The following SLC9A8 variants were observed in gnomAD, a reference collection of about 807,000 sequenced individuals.
SLC9A8 encodes the protein sodium/hydrogen exchanger 8.
A neutral mutation model predicts 66.6 loss-of-function variants in SLC9A8; 48 were observed. The ratio of observed to expected loss-of-function variants is 0.72; its 90% CI spans 0.57 to 0.92. The LOEUF (loss-of-function observed/expected upper bound fraction) is 0.92, where lower values mean the gene tolerates loss of function less well. Among genes scored for constraint, SLC9A8 ranks in the 40% least tolerant of loss-of-function variants. SLC9A8 has a pLI of 0.00. For synonymous variants in SLC9A8, 274 were observed against 282.6 expected (o/e 0.97, Z 0.31); for missense variants, 599 against 747.3 (o/e 0.80, Z 2.31).
chr20:49,852,365 T>C (rs745490688), intron 7 of SLC9A8, among the ~76,000 whole-genome samples: 3 of 152,216 alleles, frequency 2.0e-5, no homozygotes, highest in Non-Finnish European at 2.9e-5. Flanking sequence ...TTTTCAATGT[T>C]GACAACTTGC....
At chr20:49,825,631 A>T (rs1400168178) in intron 3 of SLC9A8, among the ~76,000 whole-genome samples, 5 of 152,186 alleles carry the variant, frequency 3.3e-5, no homozygotes, top group Non-Finnish European at 7.4e-5. Context: ...TGACAGAGCA[A>T]GACTCTGTCT....
At chr20:49,833,303 G>A (rs1455664948) in intron 3 of SLC9A8, among the ~76,000 whole-genome samples, 3 of 152,060 alleles carry the variant, frequency 2.0e-5, no homozygotes, top group African/African-American at 7.2e-5. Context: ...GCAAATCTAG[G>A]TAATTAAAGT....
intron 3 of SLC9A8, among the ~76,000 whole-genome samples, chr20:49,832,524 A>G (rs896152867): frequency 6.6e-6 from 1 of 152,206 alleles, no homozygotes; most frequent in African/African-American, 2.4e-5. Flanking sequence ...CCAAAATCAT[A>G]ATTTGCAGAA....
At chr20:49,887,206 A>G (rs992951278) in intron 15 of SLC9A8, among the ~76,000 whole-genome samples, 13 of 152,294 alleles carry the variant, frequency 8.5e-5, no homozygotes, top group African/African-American at 3.1e-4. Context: ...CAGACATACC[A>G]GGGCCTCAAG....
Position 49,888,861 on chromosome 20 carries a change from G to C in SLC9A8, c.*925G>C, listed in dbSNP as rs2089979968. On this transcript the variant is annotated 3_prime_UTR_variant, in exon 16 of 16. Transcript: ENST00000361573. ...ACTGTGCTGAGGCCCTGCAGTGTCTGCTCACTGCTGCCATCTTCGCTGCTA... is the reference window on the plus strand; with the variant it reads ...ACTGTGCTGAGGCCCTGCAGTGTCTCCTCACTGCTGCCATCTTCGCTGCTA... 1 of 152,370 alleles carries C rather than the reference G, an allele frequency of 6.6e-6. No homozygotes were observed. Among genetic ancestry groups the C allele is most frequent in the African/African-American group, 2.4e-5 (1 of 41,442 alleles). The allele number at this position is 152,370 out of a possible 1,614,324, so 9.4% of individuals were successfully genotyped here.
At chr20:49,883,624 C>T (rs1295639856) in intron 13 of SLC9A8, among the ~76,000 whole-genome samples, 4 of 152,198 alleles carry the variant, frequency 2.6e-5, no homozygotes, top group African/African-American at 9.7e-5. Context: ...CAGGCCATCT[C>T]ATTTGATCTG....
intron 2 of SLC9A8, among the ~76,000 whole-genome samples, 166 bp from the exon 3 acceptor site, chr20:49,822,895 A>G (rs2146466892): frequency 6.6e-6 from 1 of 152,312 alleles, no homozygotes; most frequent in South Asian, 2.1e-4. Flanking sequence ...ATGTACCTCC[A>G]GTTTAAGAAA....
intron 2 of SLC9A8, 82 bp downstream of exon 2, chr20:49,815,271 C>G (rs2146430535): frequency 8.2e-7 from 1 of 1,212,974 alleles, no homozygotes; most frequent in East Asian, 2.7e-5. Flanking sequence ...TGTCACTCCT[C>G]TTGACTGTCA....
intron 8 of SLC9A8, among the ~76,000 whole-genome samples, chr20:49,859,997 AC>A (rs1342350178): frequency 2.0e-5 from 3 of 152,118 alleles, no homozygotes; most frequent in Non-Finnish European, 4.4e-5. Context: ...GTGTGACCTT[AC>A]CCAGTGACTC....
Position 49,874,691 on chromosome 20 carries a change from C to G in SLC9A8, c.959-14C>G. 1 of 1,490,122 alleles carries G rather than the reference C, an allele frequency of 6.7e-7. No homozygotes were observed. The highest frequency in any genetic ancestry group is 9.4e-7 in the Non-Finnish European group (1 of 1,067,150). The allele number at this position is 1,490,122 out of a possible 1,614,324, so 92.3% of individuals were successfully genotyped here. A position where few individuals can be genotyped will look rare whatever the true frequency, so the allele number is the denominator to read the frequency against. ...ACACGGCAGTGCTTTCTGTTCTGTT[C>G]TCTCCCTCTCTAGGCATCATGGCCA... On this transcript the variant is annotated splice_polypyrimidine_tract_variant and intron_variant, in intron 10 of 15. Transcript: ENST00000361573.
intron 2 of SLC9A8, among the ~76,000 whole-genome samples, chr20:49,816,165 A>G (rs1471136153): frequency 2.0e-5 from 3 of 152,160 alleles, no homozygotes; most frequent in Admixed American, 2.0e-4. Context: ...CATGCTGGTA[A>G]TACCAACACT....
intron 3 of SLC9A8, among the ~76,000 whole-genome samples, chr20:49,837,802 C>A (rs539346462): frequency 6.6e-6 from 1 of 152,242 alleles, no homozygotes; most frequent in Non-Finnish European, 1.5e-5. Context: ...CTCCTGACCT[C>A]AGGTCATCTG....
chr20:49,851,499 C>T (rs533740416), intron 7 of SLC9A8, among the ~76,000 whole-genome samples: 3 of 152,190 alleles, frequency 2.0e-5, no homozygotes, highest in African/African-American at 7.2e-5. Context: ...AGCAGACAGC[C>T]TTGCTCAGTG....
In SLC9A8 at chr20:49,812,839, C is replaced by A. The variant is rs2086397638; in HGVS notation, c.-84C>A. ...AGGCCCCGCCTCCCGCTCGCCCGCC[C>A]GCGCCTCCAGCGGAAGCCGGAAGCA... is the stretch of plus-strand genomic sequence containing the variant. On this transcript the variant is annotated 5_prime_UTR_variant, in exon 1 of 16. Coordinates refer to ENST00000361573, the MANE Select transcript of SLC9A8 (RefSeq NM_015266.3). The A allele has an allele frequency of 2.1e-6, 3 of 1,457,502 alleles. No individual in the cohort carries two copies. Among genetic ancestry groups the A allele is most frequent in the Admixed American group, 4.5e-5 (2 of 43,966 alleles). 90.3% of individuals were successfully genotyped at this position (1,457,502 alleles called of 1,614,324 possible).
chr20:49,883,852 G>T lies in SLC9A8; in HGVS notation c.1277G>T (p.Arg426Leu). ...MMFIMWFSGL[R>L]GAIPYALSLH... The stretch of plus-strand genomic sequence containing the variant: ...ACTGTTTGCTGTCACCCAGGCCTGC[G>T]GGGAGCCATCCCCTATGCCCTGAGC... Residue 426 changes from arginine (R) to leucine (L), a missense_variant, in exon 14 of 16, where the codon CGG (arginine) becomes CTG (leucine). By Grantham distance (102) the Arg-to-Leu change is moderately radical. This residue lies in a region of SLC9A8 where 467 missense variants were observed against 626.5 expected (regional missense o/e 0.75). Transcript: ENST00000361573. 1 of 1,605,338 alleles carries T rather than the reference G, an allele frequency of 6.2e-7. No individual in the cohort carries two copies.
At position 49,890,948 on chromosome 20, in the gene SLC9A8, C is replaced by T. The variant is rs546538175; in HGVS notation, c.*3012C>T. 25 of 152,470 alleles carry T rather than the reference C, an allele frequency of 1.6e-4. No homozygotes were observed. The highest frequency in any genetic ancestry group is 5.5e-4 in the African/African-American group (23 of 41,590). The allele number at this position is 152,470 out of a possible 1,614,324, so 9.4% of individuals were successfully genotyped here. Reference sequence around the variant, plus strand: ...TGCTGAAAGATGGGTGACTGGGGACCCTTCTTAAAACCTTTGGCAAAGGTG... The same window carrying T: ...TGCTGAAAGATGGGTGACTGGGGACTCTTCTTAAAACCTTTGGCAAAGGTG... On this transcript the variant is annotated 3_prime_UTR_variant, in exon 16 of 16. Transcript: ENST00000361573.
At chr20:49,831,126 T>C (rs2087167848) in intron 3 of SLC9A8, 1 of 549,034 alleles carries the variant, frequency 1.8e-6, no homozygotes, top group African/African-American at 1.9e-5. Context: ...ATCTCTCCGC[T>C]AACTCCCTCT....
Position 49,886,842 on chromosome 20 carries a change from G to A in SLC9A8, c.1582G>A (p.Val528Met), listed in dbSNP as rs746946184. ...YIRRQDLKGF[V>M]WLDAKYLNPF... The stretch of plus-strand genomic sequence containing the variant: ...CAGGCGGCAGGACCTTAAGGGCTTC[G>A]TGTGGCTGGACGCCAAGTACCTGAA... The change falls in exon 15 of 16, where the codon GTG becomes ATG. Residue 528 changes from valine (V) to methionine (M), a missense_variant. Val to Met is a conservative substitution (Grantham distance 21). This residue lies in a region of SLC9A8 where 467 missense variants were observed against 626.5 expected (regional missense o/e 0.75). Transcript: ENST00000361573. The surrounding 1 kb of genome is among the most constrained non-coding windows in gnomAD (Gnocchi z 4.8). 1.1e-5 allele frequency: 18 copies of A among 1,614,082 alleles called. No homozygotes were observed. The highest frequency in any genetic ancestry group is 6.6e-5 in the South Asian group (6 of 91,092).
intron 15 of SLC9A8, among the ~76,000 whole-genome samples, 194 bp from the exon 16 acceptor site, chr20:49,887,635 C>T (rs1568889504): frequency 6.6e-6 from 1 of 152,170 alleles, no homozygotes; most frequent in Non-Finnish European, 1.5e-5. Context: ...CTGAATGACA[C>T]CTCCCGTGAC....
Sources: allele counts gnomAD v4.1 joint callset (sites outside exome capture counted in the v4.1 genomes callset), GRCh38; gene constraint gnomAD v4.1.1; regional missense constraint gnomAD v4.1.1; non-coding constraint Gnocchi (gnomAD v3.1); transcripts MANE v1.5; gene names NCBI Gene and HGNC (gene_info 2026-07-23, HGNC 2026-07-21).